Variants in TEAD1 observed in about 807,000 individuals in gnomAD.
TEAD1 encodes the protein transcriptional enhancer factor TEF-1.
Under a neutral mutation model 54.9 loss-of-function variants are expected in TEAD1, and 9 were observed. The ratio of observed to expected loss-of-function variants is 0.16; its 90% CI spans 0.10 to 0.29. The LOEUF (loss-of-function observed/expected upper bound fraction) is 0.29, where lower values mean the gene tolerates loss of function less well. Among genes scored for constraint, TEAD1 ranks in the 10% least tolerant of loss-of-function variants. The pLI, the probability that TEAD1 is intolerant of heterozygous loss-of-function variation, is 1.00. For missense variants in TEAD1, 387 were observed against 535.9 expected (o/e 0.72, Z 2.74); for synonymous variants, 200 against 187.8 (o/e 1.07, Z -0.53).
chr11:12,702,313 A>G (rs912896817), intron 2 of TEAD1, among the ~76,000 whole-genome samples: 13 of 152,312 alleles, frequency 8.5e-5, no homozygotes, highest in Non-Finnish European at 1.3e-4. Flanking sequence ...ATCTGAGAAC[A>G]TCGTGGACAA....
intron 3 of TEAD1, among the ~76,000 whole-genome samples, chr11:12,776,798 T>TATC (rs1554932204): frequency 4.3e-5 from 5 of 116,112 alleles, no homozygotes; most frequent in Admixed American, 7.7e-5. Context: ...TTATTATTAT[T>TATC]ATCATTATTA....
At chr11:12,926,400 A>G (rs947933056) in intron 11 of TEAD1, among the ~76,000 whole-genome samples, 16 of 152,192 alleles carry the variant, frequency 1.1e-4, no homozygotes, top group African/African-American at 3.1e-4. Flanking sequence ...CTTTCCCACA[A>G]TGGTGGCAGT....
At chr11:12,676,356 C>G (rs1260911088) in intron 2 of TEAD1, among the ~76,000 whole-genome samples, 1 of 152,200 alleles carries the variant, frequency 6.6e-6, no homozygotes, top group Non-Finnish European at 1.5e-5. Flanking sequence ...ATGTGATCCA[C>G]TGTGTAGTCA....
rs528200674 is a variant in TEAD1 at position 12,798,596 on chromosome 11, G to A, written c.202+34162G>A. ...TGCATGAAGGAAGTTGGAACCCGTG[G>A]TGGGTATGTTTATTTAAATGTGTAA... is the stretch of plus-strand genomic sequence containing the variant. On this transcript the variant is annotated intron_variant, in intron 3 of 12. Transcript: ENST00000527636. Among the ~76,000 whole-genome samples, 7 of 152,318 alleles carry A rather than the reference G, an allele frequency of 4.6e-5. No individual in the cohort carries two copies. The South Asian group carries it at 1.2e-3, about 27-fold the overall frequency.
chr11:12,855,477 A>G (rs1034847243), intron 3 of TEAD1, among the ~76,000 whole-genome samples: 3 of 151,644 alleles, frequency 2.0e-5, no homozygotes, highest in African/African-American at 7.3e-5. Flanking sequence ...TTTAGTAGAG[A>G]TGGGGTTTCA....
chr11:12,880,856 A>C, intron 6 of TEAD1, 149 bp from the exon 7 acceptor site: 1 of 878,508 alleles, frequency 1.1e-6, no homozygotes, highest in Non-Finnish European at 1.9e-6. Context: ...GGTCTCGTGC[A>C]AGTGGTGACC....
chr11:12,865,864 C>G (rs1038365557), intron 5 of TEAD1, among the ~76,000 whole-genome samples: 4 of 152,114 alleles, frequency 2.6e-5, no homozygotes, highest in South Asian at 2.1e-4. Context: ...TCCCATGTGC[C>G]TTTTTCGGTT....
chr11:12,896,501 G>A (rs949949615), intron 9 of TEAD1, among the ~76,000 whole-genome samples: 9 of 152,120 alleles, frequency 5.9e-5, no homozygotes, highest in Admixed American at 5.9e-4. Flanking sequence ...CATGTGTAAT[G>A]GATAATTTGA....
At chr11:12,703,491 C>T (rs1943746358) in intron 2 of TEAD1, among the ~76,000 whole-genome samples, 1 of 152,178 alleles carries the variant, frequency 6.6e-6, no homozygotes, top group Admixed American at 6.5e-5. Context: ...TTTCTTAAAG[C>T]ACCTCCTTTA....
chr11:12,768,987 G>T (rs137865502), intron 3 of TEAD1, among the ~76,000 whole-genome samples: 1 of 152,196 alleles, frequency 6.6e-6, no homozygotes, highest in East Asian at 1.9e-4. Context: ...CAGATCACAA[G>T]CCTGGCCTCG....
rs11366620 is a variant in TEAD1, at chr11:12,707,114, C to CTTTTTTTTTTTTTTTTTTTT, written c.-55+31557_-55+31576dup. Among the ~76,000 whole-genome samples the CTTTTTTTTTTTTTTTTTTTT allele has an allele frequency of 2.6e-5, 2 of 76,282 alleles. 1 individual carries two copies. The allele number at this position is 76,282 out of a possible 152,430, so 50.0% of individuals were successfully genotyped here. A position where few individuals can be genotyped will look rare whatever the true frequency, so the allele number is the denominator to read the frequency against. On this transcript the variant is annotated intron_variant, in intron 2 of 12. Coordinates refer to ENST00000527636, the MANE Select transcript of TEAD1 (RefSeq NM_021961.6). ...AGGGAAAGAAATAGCACTTGTGGGACTTTTTTTTTTTTTTTTTTTTTTTCA... is the reference window on the plus strand; with the variant it reads ...AGGGAAAGAAATAGCACTTGTGGGACTTTTTTTTTTTTTTTTTTTTTTTTTTTTTTTTTTTTTTTTTTTCA...
Position 12,740,048 on chromosome 11 carries a change from T to G in TEAD1, c.-54-24131T>G, listed in dbSNP as rs547624336. Among the ~76,000 whole-genome samples, 6 of 152,286 alleles carry G rather than the reference T, an allele frequency of 3.9e-5. No homozygotes were observed. In the South Asian group the frequency reaches 1.0e-3, roughly 26 times the overall value. ...TTTGTAGGTGGCGAGGAAAGGCATTTCAGATAAGAGGAACAGCATAACAGT... is the reference window on the plus strand; with the variant it reads ...TTTGTAGGTGGCGAGGAAAGGCATTGCAGATAAGAGGAACAGCATAACAGT... On this transcript the variant is annotated intron_variant, in intron 2 of 12. Coordinates refer to ENST00000527636, the MANE Select transcript of TEAD1 (RefSeq NM_021961.6).
intron 9 of TEAD1, among the ~76,000 whole-genome samples, chr11:12,889,734 T>G (rs1418020454): frequency 6.6e-6 from 1 of 152,152 alleles, no homozygotes; most frequent in African/African-American, 2.4e-5. Flanking sequence ...TTTTATTTTT[T>G]TAATTGAGGC....
chr11:12,864,243 A>G (rs1947566683), intron 4 of TEAD1, among the ~76,000 whole-genome samples: 1 of 152,200 alleles, frequency 6.6e-6, no homozygotes, highest in African/African-American at 2.4e-5. Flanking sequence ...TAATTTATGG[A>G]TAGTCTCTTC....
chr11:12,895,379 G>C (rs1277745026), intron 9 of TEAD1, among the ~76,000 whole-genome samples: 2 of 152,186 alleles, frequency 1.3e-5, no homozygotes, highest in Non-Finnish European at 2.9e-5. Context: ...GATGGCATCA[G>C]GTACTGCGTG....
intron 2 of TEAD1, among the ~76,000 whole-genome samples, chr11:12,742,070 T>C (rs1396972403): frequency 2.0e-5 from 3 of 152,228 alleles, no homozygotes; most frequent in South Asian, 2.1e-4. Flanking sequence ...AATGCACCTT[T>C]CTTGACATCT....
At chr11:12,695,592 A>G (rs1943563669) in intron 2 of TEAD1, among the ~76,000 whole-genome samples, 1 of 152,182 alleles carries the variant, frequency 6.6e-6, no homozygotes, top group Admixed American at 6.5e-5. Flanking sequence ...AGCCTCCTGT[A>G]ACAGATTATC....
At chr11:12,692,250 A>T (rs1324730920) in intron 2 of TEAD1, among the ~76,000 whole-genome samples, 1 of 152,188 alleles carries the variant, frequency 6.6e-6, no homozygotes, top group Non-Finnish European at 1.5e-5. Context: ...CCAGCAAAGC[A>T]GGGCTCATTT....
At chr11:12,880,293 G>GAGA (rs1210489747) in intron 6 of TEAD1, among the ~76,000 whole-genome samples, 1 of 152,220 alleles carries the variant, frequency 6.6e-6, no homozygotes, top group African/African-American at 2.4e-5. Context: ...ACCAAAGGCT[G>GAGA]AGAAGCATTA....
Sources: gnomAD v4.1 joint callset for allele counts (sites outside exome capture counted in the v4.1 genomes callset) on GRCh38, gnomAD v4.1.1 for gene constraint, MANE v1.5 for transcripts, NCBI Gene and HGNC (gene_info 2026-07-23, HGNC 2026-07-21) for gene names.